The following ZNF493 variants were observed in gnomAD, a reference collection of about 807,000 sequenced individuals.
ZNF493 encodes the protein zinc finger protein 493.
Under a neutral mutation model 12.2 loss-of-function variants are expected in ZNF493, and 11 were observed. That is an observed-to-expected ratio of 0.90 (90% CI 0.57 to 1.50). The LOEUF is 1.50. Ranked by LOEUF, ZNF493 falls within the 40% of genes most tolerant of loss-of-function variation. ZNF493 has a pLI of 0.00. For missense variants in ZNF493, 950 were observed against 906.6 expected (o/e 1.05, Z -0.61); for synonymous variants, 286 against 302.6 (o/e 0.95, Z 0.57).
chr19:21,424,260 T>A lies in ZNF493; in HGVS notation c.1601T>A (p.Ile534Lys), dbSNP rs748002296. The change falls in exon 4 of 4, where the codon ATA (isoleucine) becomes AAA (lysine). Residue 534 changes from isoleucine (I) to lysine (K), a missense_variant. By Grantham distance (102) the Ile-to-Lys change is moderately radical. Transcript: ENST00000392288. ...TTTAAACGATCTTCAACCCTTACTA[T>A]ACATAAAATGATTCACACTGGAGAA... ...KAFKRSSTLTIHKMIHTGEKP... is the reference protein window; with the variant it reads ...KAFKRSSTLTKHKMIHTGEKP... 114 of 1,603,992 alleles carry A rather than the reference T, an allele frequency of 7.1e-5. 1 individual carries two copies. The highest frequency in any genetic ancestry group is 9.3e-5 in the Non-Finnish European group (109 of 1,175,832).
In ZNF493 at chr19:21,425,252, T is replaced by A; in HGVS notation, c.*268T>A. 1 of 508,206 alleles carries A rather than the reference T, an allele frequency of 2.0e-6. No individual in the cohort carries two copies. The highest frequency in any genetic ancestry group is 3.2e-5 in the Admixed American group (1 of 31,170). The allele number at this position is 508,206 out of a possible 1,614,324, so 31.5% of individuals were successfully genotyped here. A position where few individuals can be genotyped will look rare whatever the true frequency, so the allele number is the denominator to read the frequency against. On this transcript the variant is annotated 3_prime_UTR_variant, in exon 4 of 4. Transcript: ENST00000392288. Reference sequence around the variant, plus strand: ...CCCTTACTAAACATAAGAGAATTCATACCATAGAGAAATCCTACAAATATG... The same window carrying A: ...CCCTTACTAAACATAAGAGAATTCAAACCATAGAGAAATCCTACAAATATG...
rs189061631 is a variant in ZNF493, at chr19:21,423,908, T to A, written c.1249T>A (p.Ser417Thr). ...CEECGKAYKE[S>T]SHLTTHKRIH... ...AGAATGTGGCAAAGCTTATAAGGAG[T>A]CTTCACACCTTACTACACATAAAAG... Residue 417 changes from serine to threonine, a missense_variant, in exon 4 of 4, where the codon TCT (serine) becomes ACT (threonine). Transcript: ENST00000392288. 1.2e-6 allele frequency: 2 copies of A among 1,612,684 alleles called. No homozygotes were observed. Among genetic ancestry groups the A allele is most frequent in the African/African-American group, 2.7e-5 (2 of 74,712 alleles).
intron 3 of ZNF493, among the ~76,000 whole-genome samples, chr19:21,415,043 G>A (rs1032908296): frequency 2.6e-5 from 4 of 152,008 alleles, no homozygotes; most frequent in African/African-American, 4.8e-5. Flanking sequence ...TTAACAATCC[G>A]AGTTCTCCCA....
Position 21,425,788 on chromosome 19 carries a change from G to C in ZNF493, c.*804G>C. 1 of 578,164 alleles carries C rather than the reference G, an allele frequency of 1.7e-6. No individual in the cohort carries two copies. Among genetic ancestry groups the C allele is most frequent in the Non-Finnish European group, 3.3e-6 (1 of 299,842 alleles). 35.8% of individuals were successfully genotyped at this position (578,164 alleles called of 1,614,324 possible). On this transcript the variant is annotated 3_prime_UTR_variant, in exon 4 of 4. Coordinates refer to ENST00000392288, the MANE Select transcript of ZNF493 (RefSeq NM_001076678.3). ...GAAAAATCTTACAAATGTGAAGAATGTGGCAAAGCCTTTATCCAGTCCTCA... is the reference window on the plus strand; with the variant it reads ...GAAAAATCTTACAAATGTGAAGAATCTGGCAAAGCCTTTATCCAGTCCTCA...
intron 3 of ZNF493, among the ~76,000 whole-genome samples, chr19:21,411,161 G>A (rs1189425317): frequency 6.6e-6 from 1 of 152,126 alleles, no homozygotes; most frequent in East Asian, 1.9e-4. Context: ...TATTTCATCA[G>A]TGTTGATGTT....
intron 3 of ZNF493, chr19:21,412,987 T>C (rs745664697): frequency 7.7e-6 from 3 of 389,316 alleles, no homozygotes; most frequent in Non-Finnish European, 1.5e-5. Flanking sequence ...ATACTTCTTA[T>C]CATTTCTATC....
chr19:21,414,157 A>T (rs1169796523), intron 3 of ZNF493: 3 of 152,236 alleles, frequency 2.0e-5, no homozygotes, highest in African/African-American at 7.2e-5. Flanking sequence ...GACTCTCCTG[A>T]TTGGCATGTA....
rs563685737 is a variant in ZNF493, at chr19:21,417,637, C to G, written c.254-5276C>G. The stretch of plus-strand genomic sequence containing the variant: ...CTTTTCCCAAGCTGTAATACACACT[C>G]CTGTAAGCTATTCTGTGGCATCATC... On this transcript the variant is annotated intron_variant, in intron 3 of 3. Coordinates refer to ENST00000392288, the MANE Select transcript of ZNF493 (RefSeq NM_001076678.3). Among the ~76,000 whole-genome samples the G allele has an allele frequency of 2.0e-5, 3 of 152,264 alleles. No individual in the cohort carries two copies. In the South Asian group the frequency reaches 6.2e-4, roughly 32 times the overall value.
At chr19:21,405,557 T>G in intron 2 of ZNF493, 1 of 1,272,094 alleles carries the variant, frequency 7.9e-7, no homozygotes, top group Non-Finnish European at 1.0e-6. Flanking sequence ...ACCACTAATT[T>G]TTTATCCATG....
chr19:21,412,335 T>C (rs2030350664), intron 3 of ZNF493: 1 of 152,274 alleles, frequency 6.6e-6, no homozygotes, highest in Non-Finnish European at 1.5e-5. Flanking sequence ...TTGTTTATGG[T>C]TTAAGAATGC....
chr19:21,401,286 T>C (rs1012314602), intron 1 of ZNF493, among the ~76,000 whole-genome samples: 17 of 152,338 alleles, frequency 1.1e-4, no homozygotes, highest in African/African-American at 4.1e-4. Context: ...CAACCTTTTA[T>C]TTCAGAGATA....
intron 3 of ZNF493, among the ~76,000 whole-genome samples, chr19:21,406,502 C>G (rs1475613330): frequency 2.0e-5 from 3 of 152,132 alleles, no homozygotes; most frequent in Non-Finnish European, 4.4e-5. Flanking sequence ...CACAATCTGA[C>G]TGCTTTTCCA....
intron 1 of ZNF493, 23 bp downstream of exon 1, chr19:21,397,290 C>G (rs750795245): frequency 6.2e-7 from 1 of 1,614,174 alleles, no homozygotes; most frequent in South Asian, 1.1e-5. Flanking sequence ...GGTCCGACAT[C>G]ACGAGAGAGG....
At chr19:21,406,204 A>G (rs1241205485) in intron 3 of ZNF493, among the ~76,000 whole-genome samples, 1 of 145,738 alleles carries the variant, frequency 6.9e-6, no homozygotes, top group African/African-American at 2.6e-5. Context: ...CCTGGGGGAC[A>G]AGAGTGAGAC....
Position 21,425,731 on chromosome 19 carries a change from A to G in ZNF493, c.*747A>G, listed in dbSNP as rs915916121. 5 of 640,180 alleles carry G rather than the reference A, an allele frequency of 7.8e-6. No individual in the cohort carries two copies. In the Admixed American group the frequency reaches 9.9e-5, roughly 13 times the overall value. The allele number at this position is 640,180 out of a possible 1,614,324, so 39.7% of individuals were successfully genotyped here. A position where few individuals can be genotyped will look rare whatever the true frequency, so the allele number is the denominator to read the frequency against. The stretch of plus-strand genomic sequence containing the variant: ...GGCAAAGCTTTTAACCAATTTTCAA[A>G]CCTTACTAAACATAAGATAACTCAT... On this transcript the variant is annotated 3_prime_UTR_variant, in exon 4 of 4. Coordinates refer to ENST00000392288, the MANE Select transcript of ZNF493 (RefSeq NM_001076678.3).
chr19:21,413,550 G>C, intron 3 of ZNF493: 1 of 403,424 alleles, frequency 2.5e-6, no homozygotes, highest in Non-Finnish European at 4.4e-6. Context: ...TGACGCTTGG[G>C]GTTGTCCTCA....
chr19:21,415,015 G>A (rs2030437764), intron 3 of ZNF493, among the ~76,000 whole-genome samples: 1 of 152,216 alleles, frequency 6.6e-6, no homozygotes, highest in Middle Eastern at 3.4e-3. Flanking sequence ...AACTTTTCCA[G>A]GATCATATCT....
At chr19:21,401,055 C>T (rs929140742) in intron 1 of ZNF493, among the ~76,000 whole-genome samples, 14 of 152,222 alleles carry the variant, frequency 9.2e-5, no homozygotes, top group African/African-American at 3.4e-4. Flanking sequence ...GGAATGCTTC[C>T]AGCTTGTGTT....
Position 21,411,160 on chromosome 19 carries a change from A to C in ZNF493, c.253+5304A>C, listed in dbSNP as rs1599372776. On this transcript the variant is annotated intron_variant, in intron 3 of 3. Transcript: ENST00000392288. ...AAAAATGATGTAACTGTATTTCATC[A>C]GTGTTGATGTTTTTAACATTATTTT... Among the ~76,000 whole-genome samples the C allele has an allele frequency of 2.0e-5, 3 of 152,102 alleles. No homozygotes were observed. The South Asian group carries it at 6.2e-4, about 31-fold the overall frequency.
Sources: gnomAD v4.1 joint callset for allele counts (sites outside exome capture counted in the v4.1 genomes callset) on GRCh38, gnomAD v4.1.1 for gene constraint, MANE v1.5 for transcripts, NCBI Gene and HGNC (gene_info 2026-07-23, HGNC 2026-07-21) for gene names.